Variants in GRM7 observed in about 807,000 individuals in gnomAD.
GRM7 encodes the protein metabotropic glutamate receptor 7.
GRM7 carries 35 observed loss-of-function variants against 84.5 expected under a neutral mutation model. That is an observed-to-expected ratio of 0.41 (90% confidence interval 0.32 to 0.55). The LOEUF (loss-of-function observed/expected upper bound fraction) is 0.55. GRM7 is among the 20% of genes least tolerant of loss of function. GRM7 has a pLI of 0.19. For missense variants in GRM7, 1,003 were observed against 1,194.6 expected (o/e 0.84, Z 2.36); for synonymous variants, 487 against 455.1 (o/e 1.07, Z -0.89).
At chr3:6,929,667 A>G (rs758112857) in intron 1 of GRM7, among the ~76,000 whole-genome samples, 2 of 152,182 alleles carry the variant, frequency 1.3e-5, no homozygotes, top group South Asian at 2.1e-4. Flanking sequence ...TGTCAATAAG[A>G]TGCATATAAC....
chr3:7,082,620 T>C (rs999432665), intron 1 of GRM7, among the ~76,000 whole-genome samples: 1 of 152,122 alleles, frequency 6.6e-6, no homozygotes, highest in Non-Finnish European at 1.5e-5. Context: ...CTGCCATAGA[T>C]AGTGCTTCCT....
chr3:6,929,394 T>G (rs1516561), intron 1 of GRM7, among the ~76,000 whole-genome samples: 30,719 of 152,082 alleles, frequency 0.2, 3,261 homozygotes, highest in African/African-American at 0.22. Flanking sequence ...TGCCCAAAAT[T>G]AACTCAGAAT....
chr3:7,099,614 CATATAT>C (rs1699023281), intron 1 of GRM7, among the ~76,000 whole-genome samples: 1 of 131,700 alleles, frequency 7.6e-6, no homozygotes, highest in South Asian at 2.4e-4. Context: ...TACATGTGCA[CATATAT>C]GTATATGTAC....
chr3:7,374,375 C>A (rs1355123919), intron 4 of GRM7, among the ~76,000 whole-genome samples: 3 of 152,048 alleles, frequency 2.0e-5, no homozygotes, highest in Admixed American at 6.6e-5. Flanking sequence ...GGCCACACCT[C>A]GCTTTGTTGC....
chr3:6,973,139 G>A (rs186093989), intron 1 of GRM7, among the ~76,000 whole-genome samples: 229 of 152,248 alleles, frequency 1.5e-3, no homozygotes, highest in African/African-American at 5.1e-3. Flanking sequence ...TATTGCATAC[G>A]CAGATGTTTT....
At chr3:7,585,103 G>A (rs1695458754) in intron 8 of GRM7, among the ~76,000 whole-genome samples, 1 of 152,226 alleles carries the variant, frequency 6.6e-6, no homozygotes, top group South Asian at 2.1e-4. Context: ...ACAGGAGAGA[G>A]AGGTGTCCCA....
rs1342127615 is a variant in GRM7 at position 6,928,894 on chromosome 3, G to A, written c.519+66987G>A. Among the ~76,000 whole-genome samples the A allele has an allele frequency of 6.6e-6, 1 of 152,238 alleles. No homozygotes were observed. Among genetic ancestry groups the A allele is most frequent in the Non-Finnish European group, 1.5e-5 (1 of 68,056 alleles). On this transcript the variant is annotated intron_variant, in intron 1 of 9. Transcript: ENST00000357716. This position sits in a 1 kb window ranked among gnomAD's most constrained non-coding sequence, Gnocchi z 4.5. ...ACTGGTACATAAAATGCCAGTCATA[G>A]TGTTTTAAAGTGATTTTTCCCTCGG...
intron 4 of GRM7, among the ~76,000 whole-genome samples, chr3:7,411,698 T>C (rs944206420): frequency 5.3e-5 from 8 of 152,200 alleles, no homozygotes; most frequent in Non-Finnish European, 8.8e-5. Context: ...TTTTTCTGTG[T>C]ATTTCATAGG....
chr3:7,434,106 G>A (rs867509459), intron 5 of GRM7, among the ~76,000 whole-genome samples: 7 of 151,988 alleles, frequency 4.6e-5, no homozygotes, highest in South Asian at 2.1e-4. Flanking sequence ...TAGTATCATC[G>A]TAATTCTTTT....
At chr3:7,318,252 T>G (rs1234358988) in intron 4 of GRM7, among the ~76,000 whole-genome samples, 1 of 152,074 alleles carries the variant, frequency 6.6e-6, no homozygotes, top group African/African-American at 2.4e-5. Context: ...TTTTACCATT[T>G]AGGAAAGCAG....
intron 1 of GRM7, among the ~76,000 whole-genome samples, chr3:7,125,732 C>T (rs1189669184): frequency 1.3e-5 from 2 of 152,212 alleles, no homozygotes; most frequent in East Asian, 1.9e-4. Flanking sequence ...TGTTTCACAT[C>T]ACTCTATACC....
chr3:7,576,365 T>G (rs748337318), intron 7 of GRM7, among the ~76,000 whole-genome samples: 1 of 152,206 alleles, frequency 6.6e-6, no homozygotes, highest in Non-Finnish European at 1.5e-5. Context: ...CTTAGGCAAA[T>G]AAGAGTCATC....
intron 1 of GRM7, among the ~76,000 whole-genome samples, chr3:7,110,377 T>G (rs902706707): frequency 3.9e-5 from 6 of 152,102 alleles, no homozygotes; most frequent in Admixed American, 6.6e-5. Flanking sequence ...AAGGTGGGTG[T>G]ATCACTTCAG....
chr3:7,297,469 T>C (rs1312780117), intron 2 of GRM7, among the ~76,000 whole-genome samples: 1 of 152,170 alleles, frequency 6.6e-6, no homozygotes, highest in Non-Finnish European at 1.5e-5. Context: ...GTTGTGTGGG[T>C]TGTCAATTAG....
intron 4 of GRM7, among the ~76,000 whole-genome samples, chr3:7,396,969 C>T (rs188914576): frequency 9.2e-5 from 14 of 152,104 alleles, no homozygotes; most frequent in Admixed American, 7.9e-4. Context: ...AGGAGCCTTT[C>T]TTGTGAATCT....
chr3:7,664,067 T>C (rs1269735654), intron 8 of GRM7, among the ~76,000 whole-genome samples: 1 of 152,226 alleles, frequency 6.6e-6, no homozygotes, highest in Non-Finnish European at 1.5e-5. Context: ...TAGTTCATTA[T>C]TAGACACCCT....
At chr3:7,120,132 T>C (rs1470014012) in intron 1 of GRM7, among the ~76,000 whole-genome samples, 1 of 151,844 alleles carries the variant, frequency 6.6e-6, no homozygotes, top group African/African-American at 2.4e-5. Context: ...GGAGGAAAAT[T>C]AGAAAAAGGA....
chr3:7,466,046 A>T (rs796997936), intron 7 of GRM7, among the ~76,000 whole-genome samples: 8 of 152,250 alleles, frequency 5.3e-5, no homozygotes, highest in African/African-American at 1.9e-4. Context: ...CACTCTTCTG[A>T]TTGTAACCTC....
intron 7 of GRM7, among the ~76,000 whole-genome samples, chr3:7,504,881 G>C (rs1382483441): frequency 6.6e-6 from 1 of 152,110 alleles, no homozygotes; most frequent in Non-Finnish European, 1.5e-5. Context: ...TAGCCCCACA[G>C]TCTTAACCAT....
Sources: gnomAD v4.1 joint callset for allele counts (sites outside exome capture counted in the v4.1 genomes callset) on GRCh38, gnomAD v4.1.1 for gene constraint, Gnocchi (gnomAD v3.1) non-coding constraint, MANE v1.5 for transcripts, NCBI Gene and HGNC (gene_info 2026-07-23, HGNC 2026-07-21) for gene names.